CAP1: variants seen among roughly 807,000 people sequenced by gnomAD.
CAP1 encodes adenylyl cyclase-associated protein 1.
In CAP1, 11 loss-of-function variants were observed where a neutral mutation model predicts 58.2. That is an observed-to-expected ratio of 0.19 (90% CI 0.12 to 0.31). The LOEUF is 0.31. CAP1 is among the 10% of genes least tolerant of loss of function. CAP1 has a pLI of 1.00. For missense variants in CAP1, 423 were observed against 587.5 expected (o/e 0.72, Z 2.89); for synonymous variants, 183 against 213.8 (o/e 0.86, Z 1.26).
intron 1 of CAP1, among the ~76,000 whole-genome samples, chr1:40,056,300 A>AAT (rs66909303): frequency 6.8e-6 from 1 of 146,804 alleles, no homozygotes; most frequent in Non-Finnish European, 1.5e-5. Flanking sequence ...TGAAAGCTGG[A>AAT]TTTTTTTTTT....
intron 1 of CAP1, among the ~76,000 whole-genome samples, chr1:40,044,508 C>G (rs1379025176): frequency 6.6e-6 from 1 of 152,128 alleles, no homozygotes. Flanking sequence ...CCAGACAAAT[C>G]TTTTTAAAGT....
chr1:40,062,968 C>T (rs1222092852), intron 4 of CAP1, among the ~76,000 whole-genome samples: 1 of 151,790 alleles, frequency 6.6e-6, no homozygotes, highest in African/African-American at 2.4e-5. Flanking sequence ...ATGCTAAGCC[C>T]CTAATTGTTT....
intron 3 of CAP1, 29 bp downstream of exon 3, chr1:40,060,199 T>C (rs1309639082): frequency 6.5e-6 from 10 of 1,541,490 alleles, no homozygotes; most frequent in African/African-American, 1.4e-5. Context: ...TTTCCCCTTC[T>C]TTTAAGGACT....
At position 40,064,365 on chromosome 1, in the gene CAP1, G is replaced by A; in HGVS notation, c.433G>A (p.Ala145Thr). ...SESIQALGWV[A>T]MAPKPGPYVK... ...AAGTATCCAGGCCCTGGGCTGGGTG[G>A]CTATGGTGAGCAGCGCAGATTCCAG... The change falls in exon 5 of 13, where the codon GCT becomes ACT. Residue 145 changes from alanine to threonine, a missense_variant. Ala to Thr is a moderately conservative substitution (Grantham distance 58, BLOSUM62 0). Transcript: ENST00000372805. The A allele has an allele frequency of 2.5e-6, 4 of 1,613,996 alleles. No homozygotes were observed. Among genetic ancestry groups the A allele is most frequent in the Non-Finnish European group, 1.7e-6 (2 of 1,180,018 alleles).
intron 9 of CAP1, 101 bp downstream of exon 9, chr1:40,069,975 T>C (rs1647537998): frequency 7.1e-7 from 1 of 1,416,240 alleles, no homozygotes; most frequent in East Asian, 2.4e-5. Flanking sequence ...AGTGGCGCGA[T>C]TTCGGCTTAC....
chr1:40,045,921 C>T (rs1011860020), intron 1 of CAP1, among the ~76,000 whole-genome samples: 1 of 152,160 alleles, frequency 6.6e-6, no homozygotes, highest in African/African-American at 2.4e-5. Context: ...CCCCTGGCCT[C>T]AGGTGATTCT....
intron 1 of CAP1, among the ~76,000 whole-genome samples, chr1:40,052,639 C>T (rs1646427132): frequency 6.6e-6 from 1 of 152,080 alleles, no homozygotes; most frequent in Non-Finnish European, 1.5e-5. Context: ...AGCCATCCTC[C>T]TGCCTTGGCC....
intron 8 of CAP1, chr1:40,069,452 AT>A: frequency 2.4e-6 from 1 of 410,144 alleles, no homozygotes; most frequent in East Asian, 4.3e-5. Flanking sequence ...AAGGATTTAC[AT>A]ATCCTTATCC....
At chr1:40,049,199 TTTTTTG>T (rs1241705950) in intron 1 of CAP1, among the ~76,000 whole-genome samples, 1 of 140,802 alleles carries the variant, frequency 7.1e-6, no homozygotes, top group African/African-American at 2.7e-5. Context: ...TTTTTTTTTT[TTTTTTG>T]AGACAGAGTG....
At chr1:40,069,338 T>C (rs1356088892) in intron 8 of CAP1, among the ~76,000 whole-genome samples, 2 of 151,968 alleles carry the variant, frequency 1.3e-5, no homozygotes, top group African/African-American at 4.8e-5. Context: ...TTTTTTCTTT[T>C]CCTTTTACCA....
chr1:40,056,049 C>G (rs775833289), intron 1 of CAP1, among the ~76,000 whole-genome samples: 5 of 152,142 alleles, frequency 3.3e-5, no homozygotes, highest in Non-Finnish European at 5.9e-5. Context: ...AATTGAGTCT[C>G]AGAAAGTTTG....
intron 7 of CAP1, among the ~76,000 whole-genome samples, chr1:40,067,074 C>G (rs1647119337): frequency 6.6e-6 from 1 of 152,010 alleles, no homozygotes; most frequent in Admixed American, 6.5e-5. Context: ...GGAGATAGCA[C>G]CAAGATAATA....
Position 40,064,579 on chromosome 1 carries a change from T to C in CAP1, c.524+20T>C, listed in dbSNP as rs758786988. ...AGATGTGTAAGTTCAGCCTTTTCTC[T>C]CTTTTTTTCTTTTCTGAGACAGTGT... On this transcript the variant is annotated intron_variant, in intron 6 of 12. Coordinates refer to ENST00000372805, the MANE Select transcript of CAP1 (RefSeq NM_006367.4). 3 of 1,578,498 alleles carry C rather than the reference T, an allele frequency of 1.9e-6. No homozygotes were observed. The highest frequency in any genetic ancestry group is 2.6e-6 in the Non-Finnish European group (3 of 1,149,198).
chr1:40,046,708 A>G (rs1255897538), intron 1 of CAP1, among the ~76,000 whole-genome samples: 2 of 152,040 alleles, frequency 1.3e-5, no homozygotes, highest in African/African-American at 4.8e-5. Context: ...AAACCTGTAT[A>G]GTATGTTACT....
chr1:40,056,149 A>G (rs1646604084), intron 1 of CAP1, among the ~76,000 whole-genome samples: 2 of 152,196 alleles, frequency 1.3e-5, no homozygotes, highest in East Asian at 1.9e-4. Context: ...TATCCACTAT[A>G]TAATACTGCC....
chr1:40,061,044 A>G (rs1015828410), intron 3 of CAP1, among the ~76,000 whole-genome samples: 1 of 152,146 alleles, frequency 6.6e-6, no homozygotes, highest in African/African-American at 2.4e-5. Flanking sequence ...TAGTGCTTAC[A>G]GTCTCATGTT....
chr1:40,063,817 G>A (rs144669193), intron 4 of CAP1, among the ~76,000 whole-genome samples: 1 of 152,224 alleles, frequency 6.6e-6, no homozygotes, highest in Non-Finnish European at 1.5e-5. Flanking sequence ...AACAAATGCT[G>A]TAGGAGGCTG....
intron 1 of CAP1, among the ~76,000 whole-genome samples, chr1:40,041,146 A>G (rs1369985285): frequency 6.6e-6 from 1 of 152,200 alleles, no homozygotes; most frequent in Non-Finnish European, 1.5e-5. Flanking sequence ...ACTGATAGGT[A>G]AATTGATCCC....
chr1:40,069,264 T>C (rs1002199437), intron 8 of CAP1, among the ~76,000 whole-genome samples: 5 of 152,126 alleles, frequency 3.3e-5, no homozygotes, highest in African/African-American at 9.7e-5. Context: ...ATTGTAGAGT[T>C]GCAAATGCCA....
Sources: allele counts gnomAD v4.1 joint callset (sites outside exome capture counted in the v4.1 genomes callset), GRCh38; gene constraint gnomAD v4.1.1; transcripts MANE v1.5; gene names NCBI Gene and HGNC (gene_info 2026-07-23, HGNC 2026-07-21).